Variants in GNB5 observed in about 807,000 individuals in gnomAD.
GNB5 encodes guanine nucleotide-binding protein subunit beta-5.
GNB5 carries 37 observed loss-of-function variants against 55.3 expected under a neutral mutation model. The ratio of observed to expected loss-of-function variants is 0.67; its 90% CI spans 0.51 to 0.88. The LOEUF is 0.88. GNB5 is among the 40% of genes least tolerant of loss of function. The probability of loss-of-function intolerance (pLI) is 0.00; values close to 1 mark genes in which losing one functional copy is unlikely to be tolerated. For synonymous variants in GNB5, 219 were observed against 198.5 expected (o/e 1.10, Z -0.87); for missense variants, 476 against 515.3 (o/e 0.92, Z 0.74).
At chr15:52,152,166 C>T (rs985534418) in intron 4 of GNB5, among the ~76,000 whole-genome samples, 2 of 149,912 alleles carry the variant, frequency 1.3e-5, no homozygotes, top group Non-Finnish European at 3.0e-5. Flanking sequence ...AAACGCAAAA[C>T]TGACACAGAC....
chr15:52,150,238 C>T (rs1390732127), intron 4 of GNB5, among the ~76,000 whole-genome samples: 1 of 152,190 alleles, frequency 6.6e-6, no homozygotes, highest in Non-Finnish European at 1.5e-5. Flanking sequence ...GGTACACTAT[C>T]GTCACCTGCC....
chr15:52,154,083 T>C lies in GNB5; in HGVS notation c.239-7A>G. 3.1e-6 allele frequency: 5 copies of C among 1,613,402 alleles called. No individual in the cohort carries two copies. The highest frequency in any genetic ancestry group is 1.3e-5 in the African/African-American group (1 of 75,044). On this transcript the variant is annotated splice_region_variant and splice_polypyrimidine_tract_variant and intron_variant, in intron 3 of 12. Coordinates refer to ENST00000261837, the MANE Select transcript of GNB5 (RefSeq NM_016194.4). ...CGCTCCGCCACCTGGTGCACTGGAA[T>C]GACAAGGCCATAGTCAGTCCCCTTG...
intron 9 of GNB5, 31 bp from the exon 10 acceptor site, chr15:52,128,275 G>C: frequency 6.7e-7 from 1 of 1,495,866 alleles, no homozygotes; most frequent in Non-Finnish European, 9.3e-7. Context: ...ATCTACGGTT[G>C]TGACTCCTGA....
intron 3 of GNB5, among the ~76,000 whole-genome samples, chr15:52,158,185 C>A (rs1242111327): frequency 6.6e-6 from 1 of 152,116 alleles, no homozygotes. Flanking sequence ...AAAATCCAGG[C>A]TCTGGATTTG....
chr15:52,139,996 C>T, intron 7 of GNB5: 1 of 1,244,086 alleles, frequency 8.0e-7, no homozygotes, highest in Non-Finnish European at 1.0e-6. Context: ...TCATTTTGGC[C>T]ACTGCACCAG....
chr15:52,155,596 C>T (rs1050542835), intron 3 of GNB5, among the ~76,000 whole-genome samples: 1 of 152,214 alleles, frequency 6.6e-6, no homozygotes, highest in Non-Finnish European at 1.5e-5. Context: ...AGAAAATCCA[C>T]GATCATAGAT....
chr15:52,180,229 C>T (rs2034745533), intron 2 of GNB5: 1 of 165,124 alleles, frequency 6.1e-6, no homozygotes, highest in East Asian at 1.8e-4. Context: ...GATTCCAACT[C>T]GGGACTCCCC....
intron 6 of GNB5, chr15:52,147,167 T>TTTTG: frequency 6.4e-5 from 9 of 140,298 alleles, no homozygotes; most frequent in South Asian, 3.0e-4. Context: ...TATGGTTTTG[T>TTTTG]TTTTTTTTTT....
chr15:52,178,212 C>T (rs1298628814), intron 3 of GNB5, among the ~76,000 whole-genome samples: 4 of 152,216 alleles, frequency 2.6e-5, no homozygotes, highest in Admixed American at 1.3e-4. Context: ...GGTCCCAACA[C>T]TTAGCAGGGG....
chr15:52,170,525 G>A (rs2034536411), intron 3 of GNB5, among the ~76,000 whole-genome samples: 1 of 152,082 alleles, frequency 6.6e-6, no homozygotes, highest in African/African-American at 2.4e-5. Context: ...ACACATCGGG[G>A]GAACAACACA....
intron 2 of GNB5, 97 bp from the exon 3 acceptor site, chr15:52,179,976 C>A (rs2034739297): frequency 1.5e-6 from 2 of 1,331,574 alleles, no homozygotes; most frequent in Non-Finnish European, 1.9e-6. Context: ...CCCCGAGCAC[C>A]GCCCCGCGGC....
intron 3 of GNB5, among the ~76,000 whole-genome samples, chr15:52,169,346 G>T (rs777133444): frequency 6.6e-6 from 1 of 151,390 alleles, no homozygotes; most frequent in Non-Finnish European, 1.5e-5. Context: ...AAACCAGCCT[G>T]GCCAACATGG....
rs952584941 is a variant in GNB5 at position 52,118,546 on chromosome 15, G to A, written c.*4211C>T. On this transcript the variant is annotated 3_prime_UTR_variant, in exon 13 of 13. Coordinates refer to ENST00000261837, the MANE Select transcript of GNB5 (RefSeq NM_016194.4). ...AATATGGATAGATACAATCCACAATGAGCAAGTTATTTGGGGTCCTCAATA... is the reference window on the plus strand; with the variant it reads ...AATATGGATAGATACAATCCACAATAAGCAAGTTATTTGGGGTCCTCAATA... The A allele has an allele frequency of 2.0e-5, 3 of 152,068 alleles. No homozygotes were observed. The highest frequency in any genetic ancestry group is 4.4e-5 in the Non-Finnish European group (3 of 68,018). 9.4% of individuals were successfully genotyped at this position (152,068 alleles called of 1,614,324 possible).
chr15:52,148,696 T>C (rs1000965017), intron 5 of GNB5, among the ~76,000 whole-genome samples: 1 of 152,244 alleles, frequency 6.6e-6, no homozygotes, highest in African/African-American at 2.4e-5. Context: ...TTTTCTGTTA[T>C]AATTACATGT....
At chr15:52,135,332 C>T (rs1419249629) in intron 8 of GNB5, among the ~76,000 whole-genome samples, 3 of 152,258 alleles carry the variant, frequency 2.0e-5, no homozygotes, top group East Asian at 3.9e-4. Flanking sequence ...AGCACTCATA[C>T]AGGAGAACAT....
chr15:52,143,042 C>T (rs1366858434), intron 6 of GNB5, among the ~76,000 whole-genome samples: 2 of 151,896 alleles, frequency 1.3e-5, no homozygotes, highest in Non-Finnish European at 2.9e-5. Context: ...GTAATCCCAG[C>T]TACTTGGGAG....
At chr15:52,135,398 C>A (rs771058266) in intron 8 of GNB5, among the ~76,000 whole-genome samples, 3 of 152,198 alleles carry the variant, frequency 2.0e-5, no homozygotes, top group Non-Finnish European at 4.4e-5. Flanking sequence ...GAGGCCCTCA[C>A]AGCTTAGCCC....
intron 1 of GNB5, among the ~76,000 whole-genome samples, chr15:52,187,907 C>CCA (rs201612743): frequency 0.049 from 7,485 of 151,988 alleles, 238 homozygotes; most frequent in African/African-American, 0.087. Flanking sequence ...TGAGATCATG[C>CCA]CACTGCACTC....
intron 1 of GNB5, among the ~76,000 whole-genome samples, 170 bp downstream of exon 1, chr15:52,191,152 A>T (rs1055463510): frequency 6.6e-6 from 1 of 151,274 alleles, no homozygotes; most frequent in Non-Finnish European, 1.5e-5. Context: ...AAATAAATTC[A>T]TGTGTATTGT....
Sources: gnomAD v4.1 joint callset for allele counts (sites outside exome capture counted in the v4.1 genomes callset) on GRCh38, gnomAD v4.1.1 for gene constraint, MANE v1.5 for transcripts, NCBI Gene and HGNC (gene_info 2026-07-23, HGNC 2026-07-21) for gene names.